The following INSL6 variants were observed in gnomAD, a reference collection of about 807,000 sequenced individuals.
INSL6 encodes the protein insulin like 6, also known as insulin-like peptide INSL6.
Under a neutral mutation model 9.4 loss-of-function variants are expected in INSL6, and 16 were observed. The observed-to-expected ratio is 1.70, with a 90% confidence interval of 1.15 to 2.59. INSL6 has a LOEUF of 2.59. INSL6 is among the 30% of genes most tolerant of loss of function. The pLI is 0.00. For missense variants in INSL6, 391 were observed against 257.3 expected (o/e 1.52, Z -3.56); for synonymous variants, 154 against 96.9 (o/e 1.59, Z -3.46).
At chr9:5,015,141 C>A in the INSL6 span, among the ~76,000 whole-genome samples, 1 of 152,104 alleles carries the variant, frequency 6.6e-6, no homozygotes. Flanking sequence ...GGAACAGATT[C>A]TGTAGTATAA....
At chr9:5,132,336 A>C (rs746817529) in intron 3 of INSL6, among the ~76,000 whole-genome samples, 52 of 152,204 alleles carry the variant, frequency 3.4e-4, no homozygotes, top group Non-Finnish European at 7.3e-5. Context: ...TCTATCATCT[A>C]AGATCATTCA....
At chr9:5,008,547 G>C in the INSL6 span, among the ~76,000 whole-genome samples, 7 of 152,254 alleles carry the variant, frequency 4.6e-5, no homozygotes, top group Admixed American at 3.3e-4. Flanking sequence ...GGGCCCATTT[G>C]AGTATGAATC....
intron 3 of INSL6, chr9:5,126,878 T>C: frequency 1.5e-6 from 1 of 663,236 alleles, no homozygotes; most frequent in Non-Finnish European, 2.5e-6. Context: ...ATTACATATA[T>C]CATTATTATA....
chr9:5,172,796 T>G (rs1234788924), intron 1 of INSL6, among the ~76,000 whole-genome samples: 2 of 151,914 alleles, frequency 1.3e-5, no homozygotes, highest in Non-Finnish European at 2.9e-5. Flanking sequence ...GGCGTGGTGG[T>G]GTGTGCCTGT....
At chr9:5,163,246 G>A (rs553760067), downstream of INSL6, among the ~76,000 whole-genome samples, 3 of 152,078 alleles carry the variant, frequency 2.0e-5, no homozygotes, top group Non-Finnish European at 4.4e-5. Context: ...ATTTGGTAAG[G>A]GACCACGCTT....
In INSL6 at chr9:5,164,098, T is replaced by G; in HGVS notation, c.457A>C (p.Asn153His). 6.2e-7 allele frequency: 1 copy of G among 1,612,942 alleles called. No individual in the cohort carries two copies. The highest frequency in any genetic ancestry group is 2.2e-5 in the East Asian group (1 of 44,804). ...AAATTGCTTAAGGTTTTAATTTTGT[T>G]TCTACGTTTCTTCTGAAATTTTGCA... Reference protein sequence around the residue: ...ENAKFQKKRRNKIKTLSNLFW... With the variant: ...ENAKFQKKRRHKIKTLSNLFW... The change falls in exon 2 of 2, where the codon AAC (asparagine) becomes CAC (histidine). Residue 153 changes from asparagine to histidine, a missense_variant. Transcript: ENST00000381641.
intron 3 of INSL6, among the ~76,000 whole-genome samples, chr9:5,128,527 TAC>T (rs1476886553): frequency 4.0e-5 from 6 of 151,898 alleles, no homozygotes; most frequent in Admixed American, 2.6e-4. Flanking sequence ...AAAACTTAAC[TAC>T]ATACTTAAAA....
chr9:5,040,241 G>C, the INSL6 span, among the ~76,000 whole-genome samples: 5 of 151,420 alleles, frequency 3.3e-5, no homozygotes, highest in Admixed American at 2.0e-4. Context: ...GGGACAACTG[G>C]ATATCCACAT....
At chr9:5,050,930 A>G in the INSL6 span, 8 of 986,384 alleles carry the variant, frequency 8.1e-6, no homozygotes, top group African/African-American at 1.7e-5. Context: ...TGATTTTGTA[A>G]TACTAGTTAA....
the INSL6 span, chr9:5,112,018 C>CAG: frequency 9.9e-6 from 4 of 402,272 alleles, no homozygotes; most frequent in East Asian, 2.9e-4. Context: ...TAGCCTGGAG[C>CAG]AGGAGTCCCT....
At chr9:5,166,175 T>G (rs1825045791) in intron 1 of INSL6, among the ~76,000 whole-genome samples, 1 of 152,220 alleles carries the variant, frequency 6.6e-6, no homozygotes, top group Non-Finnish European at 1.5e-5. Flanking sequence ...ACGGAAAAGA[T>G]TCACAGAGAG....
chr9:5,153,624 A>G (rs970913585), intron 2 of INSL6, among the ~76,000 whole-genome samples: 3 of 152,256 alleles, frequency 2.0e-5, no homozygotes, highest in South Asian at 4.1e-4. Flanking sequence ...CAACTTCAGC[A>G]AAGTCTCAGG....
chr9:5,015,909 A>T, the INSL6 span, among the ~76,000 whole-genome samples: 2 of 151,772 alleles, frequency 1.3e-5, no homozygotes, highest in African/African-American at 4.9e-5. Flanking sequence ...AGTAAAAAAT[A>T]TCCTGAATAA....
downstream of INSL6, among the ~76,000 whole-genome samples, chr9:5,161,403 A>C (rs766887837): frequency 2.6e-5 from 4 of 152,230 alleles, no homozygotes; most frequent in Middle Eastern, 3.2e-3. Context: ...ACCCCTCAAA[A>C]AATTGAGTAT....
intron 3 of INSL6, chr9:5,126,784 C>T (rs1564029998): frequency 6.3e-7 from 1 of 1,597,422 alleles, no homozygotes; most frequent in Non-Finnish European, 8.6e-7. Context: ...GATAACATGG[C>T]TGGATGAAAG....
At chr9:5,111,391 G>A in the INSL6 span, 1 of 379,750 alleles carries the variant, frequency 2.6e-6, no homozygotes, top group South Asian at 2.0e-5. Context: ...GGCGGACAGA[G>A]GCGGACAGCG....
rs565276538 is a variant in INSL6 at position 5,184,533 on chromosome 9, A to G, written c.289+781T>C. Among the ~76,000 whole-genome samples, 23 of 152,350 alleles carry G rather than the reference A, an allele frequency of 1.5e-4. 2 individuals carry two copies. Among genetic ancestry groups the G allele is most frequent in the African/African-American group, 5.3e-4 (22 of 41,596 alleles). The stretch of plus-strand genomic sequence containing the variant: ...TTAAACACATGCGATGTGCTAGGCC[A>G]TCTGCTAAGCATTTCAGACAAAAAT... On this transcript the variant is annotated intron_variant, in intron 1 of 1. Coordinates refer to ENST00000381641, the MANE Select transcript of INSL6 (RefSeq NM_007179.3).
At chr9:5,088,887 T>C in the INSL6 span, among the ~76,000 whole-genome samples, 1 of 152,338 alleles carries the variant, frequency 6.6e-6, no homozygotes, top group African/African-American at 2.4e-5. Context: ...AGGCCCTATC[T>C]CCAAATACAG....
chr9:5,125,828 A>T (rs563135612), intron 3 of INSL6: 3 of 141,468 alleles, frequency 2.1e-5, no homozygotes, highest in African/African-American at 8.2e-5. Flanking sequence ...TATATTTGTA[A>T]TTTTTTTTCC....
Sources: allele counts gnomAD v4.1 joint callset (sites outside exome capture counted in the v4.1 genomes callset), GRCh38; gene constraint gnomAD v4.1.1; transcripts MANE v1.5; gene names NCBI Gene and HGNC (gene_info 2026-07-23, HGNC 2026-07-21).